Variants in LAPTM4B observed in about 807,000 individuals in gnomAD.
LAPTM4B encodes the protein lysosomal protein transmembrane 4 beta, also known as lysosomal-associated transmembrane protein 4B.
A neutral mutation model predicts 28.5 loss-of-function variants in LAPTM4B; 26 were observed. The observed-to-expected ratio is 0.91, with a 90% CI of 0.67 to 1.27. The LOEUF (loss-of-function observed/expected upper bound fraction) is 1.27. Ranked by LOEUF, LAPTM4B falls within the 50% of genes most tolerant of loss-of-function variation. The pLI is 0.00. For missense variants in LAPTM4B, 288 were observed against 285.8 expected (o/e 1.01, Z -0.06); for synonymous variants, 109 against 106.4 (o/e 1.02, Z -0.15).
Position 97,785,092 on chromosome 8 carries a change from CT to C in LAPTM4B, c.99+8997del, listed in dbSNP as rs974109853. Among the ~76,000 whole-genome samples, 1,379 of 144,502 alleles carry C rather than the reference CT, an allele frequency of 9.5e-3. 17 individuals are homozygous for C. The highest frequency in any genetic ancestry group is 0.027 in the African/African-American group (1,078 of 39,840). The allele number at this position is 144,502 out of a possible 152,430, so 94.8% of individuals were successfully genotyped here. The stretch of plus-strand genomic sequence containing the variant: ...AATATCTTTTTAAGCTTTTATCACA[CT>C]TTTTTTTTTTTTGAGGCAGTTTCAT... On this transcript the variant is annotated intron_variant, in intron 1 of 6. Coordinates refer to ENST00000521545, the MANE Select transcript of LAPTM4B (RefSeq NM_018407.6).
chr8:97,779,746 T>C (rs1816280416), intron 1 of LAPTM4B, among the ~76,000 whole-genome samples: 1 of 145,436 alleles, frequency 6.9e-6, no homozygotes, highest in Non-Finnish European at 1.5e-5. Flanking sequence ...ACAGCAAGAC[T>C]CTTATCTAAA....
chr8:97,819,023 A>G (rs1166780602), intron 4 of LAPTM4B, 117 bp from the exon 5 acceptor site: 2 of 671,600 alleles, frequency 3.0e-6, no homozygotes, highest in Non-Finnish European at 5.2e-6. Context: ...TTGGTTCTAA[A>G]TAATAGCTGT....
intron 6 of LAPTM4B, among the ~76,000 whole-genome samples, chr8:97,848,251 G>C (rs1817461918): frequency 6.6e-6 from 1 of 152,174 alleles, no homozygotes; most frequent in African/African-American, 2.4e-5. Context: ...GACAGAGCAA[G>C]ACTCTCTCGA....
intron 2 of LAPTM4B, among the ~76,000 whole-genome samples, chr8:97,815,012 G>A (rs145383817): frequency 6.6e-6 from 1 of 152,246 alleles, no homozygotes; most frequent in East Asian, 1.9e-4. Flanking sequence ...TTTTAAATAA[G>A]ATCGGAAGCT....
intron 2 of LAPTM4B, among the ~76,000 whole-genome samples, chr8:97,814,695 T>C (rs1816878020): frequency 6.6e-6 from 1 of 151,886 alleles, no homozygotes; most frequent in South Asian, 2.1e-4. Context: ...GTTTTATTTT[T>C]ATTTATTTAT....
chr8:97,783,750 C>T (rs908953993), intron 1 of LAPTM4B, among the ~76,000 whole-genome samples: 2 of 152,150 alleles, frequency 1.3e-5, no homozygotes, highest in African/African-American at 2.4e-5. Context: ...CCTTTCCGTC[C>T]CTCCCTCCCA....
Position 97,834,372 on chromosome 8 carries a change from C to T in LAPTM4B, c.603+9219C>T, listed in dbSNP as rs1216832453. ...ACCATTTTGATAAAGTTTATAAGTACGCCTAAATAAAATTTGTTACTCCGT... is the reference window on the plus strand; with the variant it reads ...ACCATTTTGATAAAGTTTATAAGTATGCCTAAATAAAATTTGTTACTCCGT... On this transcript the variant is annotated intron_variant, in intron 6 of 6. Transcript: ENST00000521545. Among the ~76,000 whole-genome samples the T allele has an allele frequency of 5.9e-5, 9 of 152,138 alleles. No individual in the cohort carries two copies. The East Asian group carries it at 7.7e-4, about 13-fold the overall frequency.
intron 1 of LAPTM4B, among the ~76,000 whole-genome samples, chr8:97,802,581 T>C (rs1586327423): frequency 6.6e-6 from 1 of 152,306 alleles, no homozygotes; most frequent in East Asian, 1.9e-4. Flanking sequence ...CTTTGCGACC[T>C]GTACCTTGCA....
chr8:97,846,516 G>A (rs1377962014), intron 6 of LAPTM4B, among the ~76,000 whole-genome samples: 1 of 152,000 alleles, frequency 6.6e-6, no homozygotes, highest in African/African-American at 2.4e-5. Flanking sequence ...TAGTAGAAAC[G>A]GGGTTTCTCC....
chr8:97,796,722 C>A (rs1252336595), intron 1 of LAPTM4B, among the ~76,000 whole-genome samples: 1 of 150,014 alleles, frequency 6.7e-6, no homozygotes, highest in East Asian at 2.0e-4. Context: ...GGCAGATCAC[C>A]TGAGGTCAGG....
chr8:97,852,982 A>G lies in LAPTM4B; in HGVS notation c.*1508A>G. ...AGAAGTAGAAAAAGGTGTAGCCGGC[A>G]TACAAATGTTATCTACAGTGTATTT... On this transcript the variant is annotated 3_prime_UTR_variant, in exon 7 of 7. Transcript: ENST00000521545. 1 of 646,618 alleles carries G rather than the reference A, an allele frequency of 1.5e-6. No homozygotes were observed. The highest frequency in any genetic ancestry group is 2.5e-6 in the Non-Finnish European group (1 of 403,020). 40.1% of individuals were successfully genotyped at this position (646,618 alleles called of 1,614,324 possible). A position where few individuals can be genotyped will look rare whatever the true frequency, so the allele number is the denominator to read the frequency against.
At chr8:97,796,791 T>C (rs1036326647) in intron 1 of LAPTM4B, among the ~76,000 whole-genome samples, 1 of 152,006 alleles carries the variant, frequency 6.6e-6, no homozygotes, top group Non-Finnish European at 1.5e-5. Context: ...AATACAAAAA[T>C]TAGCTGGATG....
At chr8:97,794,020 C>T (rs556962469) in intron 1 of LAPTM4B, among the ~76,000 whole-genome samples, 13 of 152,252 alleles carry the variant, frequency 8.5e-5, no homozygotes, top group African/African-American at 2.9e-4. Context: ...TGCTCTGTTG[C>T]CCAGGCTGGA....
intron 6 of LAPTM4B, among the ~76,000 whole-genome samples, chr8:97,825,832 A>G (rs76560877): frequency 6.6e-6 from 1 of 152,214 alleles, no homozygotes; most frequent in Non-Finnish European, 1.5e-5. Context: ...TGTAATGCAC[A>G]GTACCAGGAA....
rs115586176 is a variant in LAPTM4B, at chr8:97,816,104, A to G, written c.332A>G (p.Asp111Gly). The G allele has an allele frequency of 9.3e-6, 15 of 1,613,774 alleles. No homozygotes were observed. The African/African-American group carries it at 1.2e-4, about 13-fold the overall frequency. The change falls in exon 4 of 7, where the codon GAC becomes GGC. Residue 111 changes from aspartate to glycine, a missense_variant. Physicochemically the swap from Asp to Gly is moderately conservative, Grantham distance 94 (BLOSUM62 -1). Coordinates refer to ENST00000521545, the MANE Select transcript of LAPTM4B (RefSeq NM_018407.6). ...IIPFFCYQIF[D>G]FALNMLVAIT... The stretch of plus-strand genomic sequence containing the variant: ...CCATTCTTCTGTTACCAGATCTTTG[A>G]CTTTGCCCTGAACATGTTGGTTGCA...
chr8:97,835,888 C>T (rs371529019), intron 6 of LAPTM4B, among the ~76,000 whole-genome samples: 29 of 57,320 alleles, frequency 5.1e-4, no homozygotes, highest in Non-Finnish European at 9.0e-4. Flanking sequence ...GAGCAGCGGG[C>T]GCGGGCAAGC....
chr8:97,819,330 T>G lies in LAPTM4B; in HGVS notation c.507+92T>G, dbSNP rs146840326. 4.2e-3 allele frequency: 3,053 copies of G among 719,852 alleles called. 23 individuals carry two copies. Among genetic ancestry groups the G allele is most frequent in the Non-Finnish European group, 3.7e-3 (1,634 of 438,402 alleles). The allele number at this position is 719,852 out of a possible 1,614,324, so 44.6% of individuals were successfully genotyped here. On this transcript the variant is annotated intron_variant, in intron 5 of 6. Coordinates refer to ENST00000521545, the MANE Select transcript of LAPTM4B (RefSeq NM_018407.6). ...ACAAACTTTGGTCAGTTTATTGTCT[T>G]TCTTTGGACATCCAAATTGCTTTTT...
chr8:97,791,746 A>G (rs890879385), intron 1 of LAPTM4B, among the ~76,000 whole-genome samples: 1 of 152,214 alleles, frequency 6.6e-6, no homozygotes, highest in African/African-American at 2.4e-5. Flanking sequence ...AAGCACCAAC[A>G]ATTGAATGTC....
chr8:97,839,037 A>G (rs896101808), intron 6 of LAPTM4B, among the ~76,000 whole-genome samples: 8 of 152,308 alleles, frequency 5.3e-5, no homozygotes, highest in East Asian at 1.9e-4. Flanking sequence ...TCCAATATCA[A>G]AGCATCATGG....
Sources: gnomAD v4.1 joint callset for allele counts (sites outside exome capture counted in the v4.1 genomes callset) on GRCh38, gnomAD v4.1.1 for gene constraint, MANE v1.5 for transcripts, NCBI Gene and HGNC (gene_info 2026-07-23, HGNC 2026-07-21) for gene names.